Variants in BAIAP2L1 observed in about 807,000 individuals in gnomAD.
The protein encoded by BAIAP2L1 is BAR/IMD domain containing adaptor protein 2 like 1.
In BAIAP2L1, 35 loss-of-function variants were observed where a neutral mutation model predicts 66.3. The observed-to-expected ratio is 0.53, with a 90% CI of 0.40 to 0.70. BAIAP2L1 has a LOEUF of 0.70. Among genes scored for constraint, BAIAP2L1 ranks in the 30% least tolerant of loss-of-function variants. BAIAP2L1 has a pLI of 0.00. For missense variants in BAIAP2L1, 622 were observed against 656.9 expected (o/e 0.95, Z 0.58); for synonymous variants, 269 against 248.7 (o/e 1.08, Z -0.77).
At chr7:98,321,202 T>C (rs1483194140) in intron 3 of BAIAP2L1, among the ~76,000 whole-genome samples, 1 of 152,190 alleles carries the variant, frequency 6.6e-6, no homozygotes, top group Non-Finnish European at 1.5e-5. Context: ...AGCCAAGTTC[T>C]ATATATCTGA....
chr7:98,368,713 G>A (rs966708246), intron 1 of BAIAP2L1, among the ~76,000 whole-genome samples: 2 of 151,870 alleles, frequency 1.3e-5, no homozygotes, highest in East Asian at 1.9e-4. Context: ...AAAAGGAATC[G>A]TATCGTATGT....
intron 7 of BAIAP2L1, among the ~76,000 whole-genome samples, chr7:98,314,161 T>G (rs1800987621): frequency 6.6e-6 from 1 of 151,858 alleles, no homozygotes; most frequent in African/African-American, 2.4e-5. Context: ...TTTTGTATTT[T>G]TAGTAGAGAC....
At chr7:98,385,797 A>T in intron 1 of BAIAP2L1, 2 of 1,513,726 alleles carry the variant, frequency 1.3e-6, no homozygotes, top group Non-Finnish European at 1.8e-6. Context: ...CTGAACTTTA[A>T]ACAGATTCTT....
chr7:98,363,698 G>C (rs1802324107), intron 1 of BAIAP2L1, among the ~76,000 whole-genome samples: 1 of 152,112 alleles, frequency 6.6e-6, no homozygotes. Context: ...TAAGCTTCAT[G>C]ATATTAATCA....
At chr7:98,381,905 C>G (rs1224155598) in intron 1 of BAIAP2L1, among the ~76,000 whole-genome samples, 1 of 149,038 alleles carries the variant, frequency 6.7e-6, no homozygotes, top group East Asian at 2.0e-4. Context: ...TACCCCCACC[C>G]ACATTAGGGT....
chr7:98,359,486 T>C (rs1236548608), intron 2 of BAIAP2L1, among the ~76,000 whole-genome samples: 2 of 152,160 alleles, frequency 1.3e-5, no homozygotes, highest in Non-Finnish European at 2.9e-5. Context: ...TTGGCCAGCC[T>C]GGTCTCAATC....
At chr7:98,339,411 AAC>A (rs1801687822) in intron 3 of BAIAP2L1, among the ~76,000 whole-genome samples, 3 of 152,160 alleles carry the variant, frequency 2.0e-5, no homozygotes, top group Non-Finnish European at 2.9e-5. Context: ...TCTTACTTTT[AAC>A]AGTTTTGTTA....
intron 9 of BAIAP2L1, chr7:98,308,633 A>G (rs567902989): frequency 4.4e-6 from 1 of 227,090 alleles, no homozygotes; most frequent in South Asian, 6.9e-5. Flanking sequence ...ACACAGGCTG[A>G]TATTTCCACT....
intron 1 of BAIAP2L1, among the ~76,000 whole-genome samples, chr7:98,382,400 C>G (rs1802780218): frequency 6.6e-6 from 1 of 152,014 alleles, no homozygotes; most frequent in Non-Finnish European, 1.5e-5. Context: ...AATCCCAGCA[C>G]TTTGGGAAGC....
rs948257873 is a variant in BAIAP2L1 at position 98,355,464 on chromosome 7, G to A, written c.128-336C>T. On this transcript the variant is annotated intron_variant, in intron 2 of 13. Transcript: ENST00000005260. Reference sequence around the variant, plus strand: ...TTGAACTAGGGCTTTGCCTGGGCACGGTGGCTCACACCTGTAATCCCAGCC... The same window carrying A: ...TTGAACTAGGGCTTTGCCTGGGCACAGTGGCTCACACCTGTAATCCCAGCC... 64 of 273,514 alleles carry A rather than the reference G, an allele frequency of 2.3e-4. 1 individual carries two copies. The Middle Eastern group carries it at 4.1e-3, about 18-fold the overall frequency. 16.9% of individuals were successfully genotyped at this position (273,514 alleles called of 1,614,324 possible). A position where few individuals can be genotyped will look rare whatever the true frequency, so the allele number is the denominator to read the frequency against.
chr7:98,326,123 AATG>A (rs1415184530), intron 3 of BAIAP2L1, among the ~76,000 whole-genome samples: 2 of 152,104 alleles, frequency 1.3e-5, no homozygotes, highest in East Asian at 3.9e-4. Context: ...CAAAAGATAC[AATG>A]ATAAGCTAGG....
At chr7:98,318,195 C>A (rs1349924840) in intron 5 of BAIAP2L1, among the ~76,000 whole-genome samples, 3 of 152,164 alleles carry the variant, frequency 2.0e-5, no homozygotes, top group Non-Finnish European at 2.9e-5. Context: ...ATGAGGAGCC[C>A]CCGACCAGAA....
intron 2 of BAIAP2L1, among the ~76,000 whole-genome samples, chr7:98,355,922 CTATT>C (rs1308383276): frequency 6.6e-6 from 1 of 152,076 alleles, no homozygotes; most frequent in Non-Finnish European, 1.5e-5. Context: ...ACCAACCAAC[CTATT>C]TGTTGCCAGG....
chr7:98,399,922 G>A (rs1157981528), intron 1 of BAIAP2L1: 1 of 152,206 alleles, frequency 6.6e-6, no homozygotes, highest in Non-Finnish European at 1.5e-5. Flanking sequence ...TGAAAGGTGG[G>A]AGAGGAAGGG....
At chr7:98,304,172 A>G (rs762312840) in intron 12 of BAIAP2L1, 24 bp downstream of exon 12, 47 of 1,546,040 alleles carry the variant, frequency 3.0e-5, no homozygotes, top group Non-Finnish European at 4.0e-5. Flanking sequence ...AGGACCCAGG[A>G]CGCCCTGCTG....
intron 12 of BAIAP2L1, among the ~76,000 whole-genome samples, chr7:98,300,149 G>A (rs1800361395): frequency 6.6e-6 from 1 of 152,214 alleles, no homozygotes; most frequent in Admixed American, 6.6e-5. Context: ...CTGCTGGACT[G>A]GGCAGGGAAC....
At chr7:98,298,712 GT>G (rs1190285605) in intron 12 of BAIAP2L1, among the ~76,000 whole-genome samples, 2 of 152,200 alleles carry the variant, frequency 1.3e-5, no homozygotes, top group African/African-American at 2.4e-5. Flanking sequence ...TCATCAGCTG[GT>G]TTAGGCATTT....
At chr7:98,311,994 G>A in intron 8 of BAIAP2L1, 103 bp downstream of exon 8, 3 of 1,207,898 alleles carry the variant, frequency 2.5e-6, no homozygotes, top group South Asian at 1.5e-5. Context: ...GGTCCTGGAA[G>A]TAATAAAGGG....
At chr7:98,372,573 G>A (rs1195320761) in intron 1 of BAIAP2L1, among the ~76,000 whole-genome samples, 1 of 152,004 alleles carries the variant, frequency 6.6e-6, no homozygotes, top group Non-Finnish European at 1.5e-5. Context: ...TGTAACGTAT[G>A]TATCCTTGAA....
Sources: allele counts gnomAD v4.1 joint callset (sites outside exome capture counted in the v4.1 genomes callset), GRCh38; gene constraint gnomAD v4.1.1; transcripts MANE v1.5; gene names NCBI Gene and HGNC (gene_info 2026-07-23, HGNC 2026-07-21).